RNF145: variants seen among roughly 807,000 people sequenced by gnomAD.
RNF145 encodes ring finger protein 145.
RNF145 carries 12 observed loss-of-function variants against 57.3 expected under a neutral mutation model. The observed-to-expected ratio is 0.21, with a 90% CI of 0.13 to 0.34. The LOEUF (loss-of-function observed/expected upper bound fraction) is 0.34. Among genes scored for constraint, RNF145 ranks in the 10% least tolerant of loss-of-function variants. The pLI, the probability that RNF145 is intolerant of heterozygous loss-of-function variation, is 1.00. For missense variants in RNF145, 429 were observed against 799.0 expected (o/e 0.54, Z 5.58); for synonymous variants, 262 against 288.3 (o/e 0.91, Z 0.92).
intron 1 of RNF145, among the ~76,000 whole-genome samples, chr5:159,205,972 G>A (rs2113253218): frequency 6.6e-6 from 1 of 152,178 alleles, no homozygotes; most frequent in South Asian, 2.1e-4. Flanking sequence ...TGCTAGGGAA[G>A]AAAAACTCCC....
At chr5:159,184,199 C>T (rs1417082223) in intron 3 of RNF145, among the ~76,000 whole-genome samples, 1 of 152,200 alleles carries the variant, frequency 6.6e-6, no homozygotes, top group Non-Finnish European at 1.5e-5. Context: ...GCAAACTAAA[C>T]ATTATGCTAG....
intron 2 of RNF145, among the ~76,000 whole-genome samples, chr5:159,201,891 C>T (rs886252689): frequency 2.6e-5 from 4 of 152,084 alleles, no homozygotes; most frequent in Non-Finnish European, 4.4e-5. Context: ...AATGTAGATA[C>T]ATTATTTTAT....
In RNF145 at chr5:159,209,211, CG is replaced by C; in HGVS notation, c.-40+19del. The stretch of plus-strand genomic sequence containing the variant: ...GGGGGGCGCGGGGATGGGAAGGGGC[CG>C]GGCGGGCGGCGTGGTCACCTCAGGC... On this transcript the variant is annotated intron_variant, in intron 1 of 10. Transcript: ENST00000424310. 1.0e-6 allele frequency: 1 copy of C among 964,782 alleles called. No homozygotes were observed. Among genetic ancestry groups the C allele is most frequent in the Non-Finnish European group, 1.2e-6 (1 of 818,168 alleles). 59.8% of individuals were successfully genotyped at this position (964,782 alleles called of 1,614,324 possible).
At chr5:159,192,049 C>G (rs954060431) in intron 3 of RNF145, among the ~76,000 whole-genome samples, 5 of 141,570 alleles carry the variant, frequency 3.5e-5, no homozygotes, top group Non-Finnish European at 7.7e-5. Flanking sequence ...CGAAAATATT[C>G]AGAAAAAAAA....
chr5:159,162,766 A>G (rs1357711734), intron 9 of RNF145, among the ~76,000 whole-genome samples, 166 bp downstream of exon 9: 1 of 152,162 alleles, frequency 6.6e-6, no homozygotes, highest in East Asian at 1.9e-4. Context: ...CCTGCCATCT[A>G]ACTCCTGTGC....
intron 3 of RNF145, among the ~76,000 whole-genome samples, chr5:159,188,743 A>T (rs1195093459): frequency 6.6e-6 from 1 of 152,196 alleles, no homozygotes; most frequent in Non-Finnish European, 1.5e-5. Context: ...TAATTCTTCC[A>T]AACTGCAAGC....
chr5:159,162,153 T>A (rs879521681), intron 9 of RNF145, among the ~76,000 whole-genome samples: 4 of 152,244 alleles, frequency 2.6e-5, no homozygotes, highest in Admixed American at 6.5e-5. Flanking sequence ...CTGTGAAACA[T>A]GTATCATGTC....
chr5:159,183,653 T>C (rs1043343027), intron 3 of RNF145, among the ~76,000 whole-genome samples: 1 of 152,058 alleles, frequency 6.6e-6, no homozygotes, highest in East Asian at 1.9e-4. Context: ...ATTTGAAAAA[T>C]AAATTTATAC....
At chr5:159,198,661 T>C (rs552874668) in intron 2 of RNF145, among the ~76,000 whole-genome samples, 12 of 152,212 alleles carry the variant, frequency 7.9e-5, no homozygotes, top group Admixed American at 7.9e-4. Context: ...ATGAGTTCAG[T>C]GATTGACAAC....
chr5:159,197,168 G>C (rs1019942173), intron 2 of RNF145, among the ~76,000 whole-genome samples: 2 of 152,156 alleles, frequency 1.3e-5, no homozygotes, highest in African/African-American at 4.8e-5. Flanking sequence ...AGCTTGACTT[G>C]GATCTCTAAA....
chr5:159,176,377 G>C (rs1369498062), intron 5 of RNF145, among the ~76,000 whole-genome samples: 1 of 152,070 alleles, frequency 6.6e-6, no homozygotes, highest in Admixed American at 6.6e-5. Context: ...AGGTTACACA[G>C]CTAGTGAACA....
intron 3 of RNF145, among the ~76,000 whole-genome samples, chr5:159,184,901 A>G (rs962520079): frequency 3.3e-5 from 5 of 152,030 alleles, no homozygotes; most frequent in African/African-American, 4.8e-5. Flanking sequence ...ATAGGACCCT[A>G]AGGGAGGTCT....
At chr5:159,181,573 T>C (rs573718719) in intron 4 of RNF145, among the ~76,000 whole-genome samples, 187 of 152,280 alleles carry the variant, frequency 1.2e-3, no homozygotes, top group African/African-American at 4.3e-3. Context: ...CTCAAGTTCT[T>C]GATGTTTCCG....
In RNF145 at chr5:159,172,297, C is replaced by T. The variant is rs535770351; in HGVS notation, c.797+1686G>A. 1.1e-4 allele frequency among the ~76,000 whole-genome samples: 17 copies of T among 152,198 alleles called. No individual in the cohort carries two copies. The East Asian group carries it at 3.1e-3, about 28-fold the overall frequency. ...CCTGAGGTCAGGAGTTCAAGATGAG[C>T]CTGGCCAACATGGTCTCTACTAATA... On this transcript the variant is annotated intron_variant, in intron 6 of 10. Transcript: ENST00000424310.
rs1413309510 is a variant in RNF145 at position 159,181,921 on chromosome 5, C to A, written c.385+39G>T. ...AATTTTATAAGTTAGTAAGACTGGT[C>A]GGTTCCTACCTACACTTTAATTCTT... is the stretch of plus-strand genomic sequence containing the variant. On this transcript the variant is annotated intron_variant, in intron 4 of 10. Coordinates refer to ENST00000424310, the MANE Select transcript of RNF145 (RefSeq NM_001199383.2). The A allele has an allele frequency of 3.5e-6, 4 of 1,155,376 alleles. No homozygotes were observed. In the South Asian group the frequency reaches 5.3e-5, roughly 15 times the overall value. 71.6% of individuals were successfully genotyped at this position (1,155,376 alleles called of 1,614,324 possible). A position where few individuals can be genotyped will look rare whatever the true frequency, so the allele number is the denominator to read the frequency against.
intron 1 of RNF145, chr5:159,207,857 A>C (rs1305655140): frequency 2.5e-6 from 4 of 1,614,068 alleles, no homozygotes; most frequent in Middle Eastern, 1.6e-4. Context: ...CTTTCAACTT[A>C]AGGAACAGAG....
In RNF145 at chr5:159,158,379, CA is replaced by C. The variant is rs1305182132; in HGVS notation, c.*290del. 3 of 369,228 alleles carry C rather than the reference CA, an allele frequency of 8.1e-6. No individual in the cohort carries two copies. Among genetic ancestry groups the C allele is most frequent in the Admixed American group, 4.0e-5 (1 of 24,742 alleles). 22.9% of individuals were successfully genotyped at this position (369,228 alleles called of 1,614,324 possible). On this transcript the variant is annotated 3_prime_UTR_variant, in exon 11 of 11. Coordinates refer to ENST00000424310, the MANE Select transcript of RNF145 (RefSeq NM_001199383.2). ...GATTTTATTTCTCTCTCACACGTAT[CA>C]GGGGCAGTTTCTGAAGTTGCTGAGG...
chr5:159,166,747 G>A (rs2113099889), intron 8 of RNF145, among the ~76,000 whole-genome samples: 1 of 152,272 alleles, frequency 6.6e-6, no homozygotes, highest in Middle Eastern at 3.4e-3. Context: ...TTTAAAAATT[G>A]TCTGGTTTAT....
chr5:159,174,760 T>C (rs1033673455), intron 5 of RNF145, among the ~76,000 whole-genome samples: 2 of 151,390 alleles, frequency 1.3e-5, no homozygotes, highest in African/African-American at 2.4e-5. Flanking sequence ...CAAGTGTAAG[T>C]AACACTAGGA....
Sources: gnomAD v4.1 joint callset for allele counts (sites outside exome capture counted in the v4.1 genomes callset) on GRCh38, gnomAD v4.1.1 for gene constraint, MANE v1.5 for transcripts, NCBI Gene and HGNC (gene_info 2026-07-23, HGNC 2026-07-21) for gene names.